Variants in BICRAL observed in about 807,000 individuals in gnomAD.
The protein encoded by BICRAL is BRD4-interacting chromatin-remodeling complex-associated protein-like.
BICRAL carries 8 observed loss-of-function variants against 91.8 expected under a neutral mutation model. The ratio of observed to expected loss-of-function variants is 0.09; its 90% confidence interval spans 0.05 to 0.16. BICRAL has a LOEUF of 0.16. Among genes scored for constraint, BICRAL ranks in the 10% least tolerant of loss-of-function variants. BICRAL has a pLI of 1.00. For missense variants in BICRAL, 1,038 were observed against 1,310.9 expected, an observed-to-expected ratio of 0.79 and a Z score of 3.21; for synonymous variants, 445 against 491.1, an observed-to-expected ratio of 0.91 and a Z score of 1.24.
chr6:42,757,685 C>T (rs1304026850), intron 1 of BICRAL, among the ~76,000 whole-genome samples: 1 of 152,218 alleles, frequency 6.6e-6, no homozygotes, highest in African/African-American at 2.4e-5. Context: ...CCGCGCCCAG[C>T]CTGTTAACTC....
At position 42,830,095 on chromosome 6, in the gene BICRAL, C is replaced by T. The variant is rs1764430475; in HGVS notation, c.1762C>T (p.Pro588Ser). Residue 588 changes from proline (P) to serine (S), a missense_variant, in exon 6 of 13, where the codon CCA becomes TCA. Around this residue, in one of 5 missense-constraint regions of BICRAL, gnomAD observed 532 missense variants for 724.9 expected, o/e 0.73. Transcript: ENST00000314073. ...ACCAGTCAGTGTGTCTCATCGTCTT[C>T]CAGTTTCTTCTTCCAAGTCTACCAG... ...PVPVSVSHRL[P>S]VSSSKSTSTF... is the part of the protein sequence containing the mutation. 6.2e-7 allele frequency: 1 copy of T among 1,614,006 alleles called. No individual in the cohort carries two copies.
intron 6 of BICRAL, among the ~76,000 whole-genome samples, chr6:42,832,381 A>G (rs1368467663): frequency 1.4e-5 from 2 of 146,778 alleles, no homozygotes; most frequent in African/African-American, 2.5e-5. Flanking sequence ...ATATATATGT[A>G]TGTATGTATA....
chr6:42,852,277 A>G (rs1444668741), intron 7 of BICRAL, 80 bp downstream of exon 7: 1 of 849,084 alleles, frequency 1.2e-6, no homozygotes, highest in Non-Finnish European at 2.0e-6. Flanking sequence ...ATTCTGCACG[A>G]AAGCTTTCTG....
intron 1 of BICRAL, among the ~76,000 whole-genome samples, chr6:42,808,042 ATATT>A (rs946337293): frequency 6.6e-6 from 1 of 152,082 alleles, no homozygotes; most frequent in Non-Finnish European, 1.5e-5. Flanking sequence ...TATTTTTTCA[ATATT>A]TATTATACCC....
intron 2 of BICRAL, among the ~76,000 whole-genome samples, chr6:42,820,108 T>A (rs992558773): frequency 2.0e-5 from 3 of 152,146 alleles, no homozygotes; most frequent in Non-Finnish European, 2.9e-5. Context: ...AACACCTCAA[T>A]GGAGTGACTG....
At chr6:42,754,022 A>G (rs2113821677) in intron 1 of BICRAL, among the ~76,000 whole-genome samples, 1 of 137,866 alleles carries the variant, frequency 7.3e-6, no homozygotes, top group Admixed American at 7.1e-5. Context: ...ATGAGCCACT[A>G]CACTTCATGG....
At chr6:42,779,204 G>A (rs1333847126), upstream of BICRAL, among the ~76,000 whole-genome samples, 1 of 146,992 alleles carries the variant, frequency 6.8e-6, no homozygotes, top group Admixed American at 7.0e-5. Flanking sequence ...GTCACAGAGG[G>A]AGATCCTGTC....
At chr6:42,754,102 A>G (rs111420028) in intron 1 of BICRAL, among the ~76,000 whole-genome samples, 8 of 151,034 alleles carry the variant, frequency 5.3e-5, no homozygotes, top group Admixed American at 2.6e-4. Flanking sequence ...GGAAGGCATG[A>G]GCACTTCCCA....
intron 6 of BICRAL, among the ~76,000 whole-genome samples, chr6:42,846,342 TC>T (rs1765009974): frequency 6.6e-6 from 1 of 151,808 alleles, no homozygotes; most frequent in Non-Finnish European, 1.5e-5. Flanking sequence ...CACTCCAGCC[TC>T]GGCGACAGAG....
chr6:42,754,131 C>T (rs1459181082), intron 1 of BICRAL, among the ~76,000 whole-genome samples: 1 of 151,990 alleles, frequency 6.6e-6, no homozygotes, highest in Non-Finnish European at 1.5e-5. Context: ...GGATTACAGG[C>T]CGTGTTTGAA....
At chr6:42,770,847 C>G (rs909313619) in intron 1 of BICRAL, among the ~76,000 whole-genome samples, 1 of 151,720 alleles carries the variant, frequency 6.6e-6, no homozygotes, top group Non-Finnish European at 1.5e-5. Context: ...CCCGCCACCA[C>G]GCCCCGCTAA....
Position 42,854,617 on chromosome 6 carries a change from A to G in BICRAL, c.2046+879A>G, listed in dbSNP as rs369549700. Among the ~76,000 whole-genome samples, 10 of 152,300 alleles carry G rather than the reference A, an allele frequency of 6.6e-5. No homozygotes were observed. In the South Asian group the frequency reaches 2.1e-3, roughly 32 times the overall value. ...ACTGAAGCCTCGATCACCTGGGCTCATGCGATCCTCCCACCTCAGCTTCCT... is the reference window on the plus strand; with the variant it reads ...ACTGAAGCCTCGATCACCTGGGCTCGTGCGATCCTCCCACCTCAGCTTCCT... On this transcript the variant is annotated intron_variant, in intron 8 of 12. Transcript: ENST00000314073.
At chr6:42,814,685 T>C (rs994133120) in intron 2 of BICRAL, among the ~76,000 whole-genome samples, 8 of 150,434 alleles carry the variant, frequency 5.3e-5, no homozygotes, top group Non-Finnish European at 7.4e-5. Flanking sequence ...GCCACCATGG[T>C]CGGCTAATTC....
intron 1 of BICRAL, among the ~76,000 whole-genome samples, chr6:42,791,146 G>A (rs543889776): frequency 6.6e-6 from 1 of 151,894 alleles, no homozygotes; most frequent in Non-Finnish European, 1.5e-5. Flanking sequence ...CTTTGTTCTG[G>A]TTTGTTGTTT....
chr6:42,855,546 CATG>C (rs113362170), intron 8 of BICRAL, among the ~76,000 whole-genome samples: 21 of 150,716 alleles, frequency 1.4e-4, no homozygotes, highest in Admixed American at 2.6e-4. Flanking sequence ...TGTCAAAAAA[CATG>C]ATGATGATGA....
At chr6:42,825,135 C>T (rs957373031) in intron 5 of BICRAL, among the ~76,000 whole-genome samples, 3 of 151,766 alleles carry the variant, frequency 2.0e-5, no homozygotes, top group Admixed American at 6.6e-5. Flanking sequence ...TGGCGTGTGC[C>T]TGTAATCCCA....
chr6:42,778,142 T>C (rs1374616107), upstream of BICRAL, among the ~76,000 whole-genome samples: 3 of 152,220 alleles, frequency 2.0e-5, no homozygotes, highest in Non-Finnish European at 4.4e-5. Context: ...TCCCAGTATT[T>C]TGTAAACTCC....
At chr6:42,808,512 G>T (rs781682931) in intron 1 of BICRAL, among the ~76,000 whole-genome samples, 1 of 152,084 alleles carries the variant, frequency 6.6e-6, no homozygotes, top group South Asian at 2.1e-4. Context: ...TGATTTTCAC[G>T]GATTTCTGTT....
At chr6:42,833,590 G>A (rs1206246936) in intron 6 of BICRAL, among the ~76,000 whole-genome samples, 1 of 151,830 alleles carries the variant, frequency 6.6e-6, no homozygotes, top group Admixed American at 6.6e-5. Flanking sequence ...TAGGATTATA[G>A]CTGCCTGCCA....
Sources: allele counts gnomAD v4.1 joint callset (sites outside exome capture counted in the v4.1 genomes callset), GRCh38; gene constraint gnomAD v4.1.1; regional missense constraint gnomAD v4.1.1; transcripts MANE v1.5; gene names NCBI Gene and HGNC (gene_info 2026-07-23, HGNC 2026-07-21).